SPOPL: variants seen among roughly 807,000 people sequenced by gnomAD.
SPOPL encodes speckle-type POZ protein-like.
SPOPL carries 23 observed loss-of-function variants against 53.8 expected under a neutral mutation model. The observed-to-expected ratio is 0.43, with a 90% CI of 0.31 to 0.61. The LOEUF (loss-of-function observed/expected upper bound fraction) is 0.61, where lower values mean the gene tolerates loss of function less well. Among genes scored for constraint, SPOPL ranks in the 20% least tolerant of loss-of-function variants. The pLI is 0.12. For synonymous variants in SPOPL, 164 were observed against 149.7 expected, an observed-to-expected ratio of 1.10 and a Z score of -0.70; for missense variants, 442 against 466.9, an observed-to-expected ratio of 0.95 and a Z score of 0.49.
At chr2:138,515,222 A>G (rs1382462323) in intron 1 of SPOPL, among the ~76,000 whole-genome samples, 1 of 152,186 alleles carries the variant, frequency 6.6e-6, no homozygotes, top group African/African-American at 2.4e-5. Flanking sequence ...AAGATTTTGC[A>G]AGCTGGTGAA....
intron 1 of SPOPL, among the ~76,000 whole-genome samples, chr2:138,515,300 A>T (rs1421099433): frequency 1.3e-5 from 2 of 152,206 alleles, no homozygotes; most frequent in African/African-American, 4.8e-5. Context: ...TAATTACACA[A>T]TGCTGGAATG....
At chr2:138,503,774 A>G (rs1413938858) in intron 1 of SPOPL, among the ~76,000 whole-genome samples, 1 of 152,240 alleles carries the variant, frequency 6.6e-6, no homozygotes, top group Admixed American at 6.5e-5. Context: ...GAGATTTTAC[A>G]GATAAAAGTT....
chr2:138,546,264 A>C (rs937807279), intron 1 of SPOPL, among the ~76,000 whole-genome samples: 6 of 152,176 alleles, frequency 3.9e-5, no homozygotes, highest in Non-Finnish European at 5.9e-5. Context: ...GCTTAAGACT[A>C]GTTTATATGA....
At chr2:138,505,594 TA>T (rs1169614974) in intron 1 of SPOPL, among the ~76,000 whole-genome samples, 975 of 75,046 alleles carry the variant, frequency 0.013, 13 homozygotes, top group African/African-American at 0.048. Flanking sequence ...GTGTCTCTTC[TA>T]AAAAAAAAAA....
At chr2:138,508,186 G>A (rs1292150007) in intron 1 of SPOPL, among the ~76,000 whole-genome samples, 3 of 152,122 alleles carry the variant, frequency 2.0e-5, no homozygotes, top group East Asian at 1.9e-4. Flanking sequence ...TTGGACCATG[G>A]GTAGAATACA....
At chr2:138,559,486 T>C (rs1050715705) in intron 7 of SPOPL, 149 bp downstream of exon 7, 4 of 732,494 alleles carry the variant, frequency 5.5e-6, no homozygotes, top group African/African-American at 1.8e-5. Flanking sequence ...TGTTCTATAA[T>C]AGAACAATAG....
intron 1 of SPOPL, among the ~76,000 whole-genome samples, chr2:138,506,901 A>G (rs12691947): frequency 0.78 from 119,285 of 152,108 alleles, 47,286 homozygotes; most frequent in Middle Eastern, 0.86. Context: ...AGTAAGCCCT[A>G]TGAATCTTTC....
rs1408126052 is a variant in SPOPL, at chr2:138,570,157, C to T, written c.*1077C>T. 6.6e-6 allele frequency: 1 copy of T among 152,160 alleles called. No homozygotes were observed. The highest frequency in any genetic ancestry group is 1.9e-4 in the East Asian group (1 of 5,170). 9.4% of individuals were successfully genotyped at this position (152,160 alleles called of 1,614,324 possible). The stretch of plus-strand genomic sequence containing the variant: ...ATTTTCTCACACTTTGGAAAAGACA[C>T]CTGAACAATAAATGAATCCTGGATA... On this transcript the variant is annotated 3_prime_UTR_variant, in exon 11 of 11. Coordinates refer to ENST00000280098, the MANE Select transcript of SPOPL (RefSeq NM_001001664.3).
chr2:138,504,293 C>T (rs948477186), intron 1 of SPOPL, among the ~76,000 whole-genome samples: 3 of 152,186 alleles, frequency 2.0e-5, no homozygotes, highest in African/African-American at 7.2e-5. Flanking sequence ...ATAACCTTTG[C>T]TCTTTCTCCT....
intron 1 of SPOPL, among the ~76,000 whole-genome samples, chr2:138,535,086 A>T (rs1684898461): frequency 6.6e-6 from 1 of 152,182 alleles, no homozygotes; most frequent in Non-Finnish European, 1.5e-5. Flanking sequence ...TTGTGTCTAT[A>T]AGAAATAAAA....
chr2:138,564,087 G>A (rs1685608353), intron 8 of SPOPL, among the ~76,000 whole-genome samples: 1 of 152,192 alleles, frequency 6.6e-6, no homozygotes, highest in Admixed American at 6.5e-5. Flanking sequence ...CATATCAGAG[G>A]TATCACCTAG....
intron 1 of SPOPL, among the ~76,000 whole-genome samples, chr2:138,506,294 T>TG (rs1478161779): frequency 1.3e-5 from 2 of 152,232 alleles, no homozygotes; most frequent in African/African-American, 4.8e-5. Flanking sequence ...ATGTTTGTTT[T>TG]GGCAGTGTCA....
rs887337617 is a variant in SPOPL, at chr2:138,570,292, C to A, written c.*1212C>A. 3 of 152,146 alleles carry A rather than the reference C, an allele frequency of 2.0e-5. No homozygotes were observed. The highest frequency in any genetic ancestry group is 4.4e-5 in the Non-Finnish European group (3 of 68,030). The allele number at this position is 152,146 out of a possible 1,614,324, so 9.4% of individuals were successfully genotyped here. On this transcript the variant is annotated 3_prime_UTR_variant, in exon 11 of 11. Coordinates refer to ENST00000280098, the MANE Select transcript of SPOPL (RefSeq NM_001001664.3). ...ACACTAGGAACCTCCCCTCACTCCCCGTTTTTCTTCATTGTGTTTCAGTTA... is the reference window on the plus strand; with the variant it reads ...ACACTAGGAACCTCCCCTCACTCCCAGTTTTTCTTCATTGTGTTTCAGTTA...
chr2:138,565,879 G>A (rs1298372048), intron 10 of SPOPL, among the ~76,000 whole-genome samples: 6 of 151,266 alleles, frequency 4.0e-5, no homozygotes, highest in South Asian at 2.1e-4. Context: ...AACTACAGGC[G>A]CCCGCCACCA....
At chr2:138,525,663 A>AAAAAAACAAAAAAAAAAAAAC (rs113232337) in intron 1 of SPOPL, among the ~76,000 whole-genome samples, 1 of 130,486 alleles carries the variant, frequency 7.7e-6, no homozygotes, top group Non-Finnish European at 1.6e-5. Context: ...GTAGAAAAAA[A>AAAAAAACAAAAAAAAAAAAAC]AAAAAAAAAA....
At chr2:138,540,111 G>C (rs1685035423) in intron 1 of SPOPL, among the ~76,000 whole-genome samples, 1 of 152,182 alleles carries the variant, frequency 6.6e-6, no homozygotes, top group South Asian at 2.1e-4. Flanking sequence ...CTATATCTCT[G>C]TTTTGTTACC....
At chr2:138,546,291 CTT>C (rs1170062554) in intron 1 of SPOPL, among the ~76,000 whole-genome samples, 1 of 152,150 alleles carries the variant, frequency 6.6e-6, no homozygotes, top group Non-Finnish European at 1.5e-5. Flanking sequence ...AGGGGAGAAT[CTT>C]TTACTTATTT....
intron 1 of SPOPL, among the ~76,000 whole-genome samples, chr2:138,540,568 C>A (rs976461352): frequency 3.9e-5 from 6 of 152,162 alleles, no homozygotes; most frequent in African/African-American, 1.2e-4. Flanking sequence ...TATAAGAATG[C>A]TTGTGATTTT....
Position 138,550,214 on chromosome 2 carries a change from G to T in SPOPL, c.-3G>T. On this transcript the variant is annotated 5_prime_UTR_variant, in exon 2 of 11. Coordinates refer to ENST00000280098, the MANE Select transcript of SPOPL (RefSeq NM_001001664.3). ...AATCCTGAAAGACTACAATAAAGTG[G>T]TGATGTCTCGGGAACCCACCCCACC... 1 of 1,613,224 alleles carries T rather than the reference G, an allele frequency of 6.2e-7. No homozygotes were observed. The highest frequency in any genetic ancestry group is 8.5e-7 in the Non-Finnish European group (1 of 1,179,494).
Sources: allele counts gnomAD v4.1 joint callset (sites outside exome capture counted in the v4.1 genomes callset), GRCh38; gene constraint gnomAD v4.1.1; transcripts MANE v1.5; gene names NCBI Gene and HGNC (gene_info 2026-07-23, HGNC 2026-07-21).